SCN9A: variants seen among roughly 807,000 people sequenced by gnomAD.
SCN9A encodes sodium channel protein type 9 subunit alpha.
Under a neutral mutation model 187.0 loss-of-function variants are expected in SCN9A, and 131 were observed. The ratio of observed to expected loss-of-function variants is 0.70; its 90% CI spans 0.61 to 0.81. The LOEUF (loss-of-function observed/expected upper bound fraction) is 0.81. Among genes scored for constraint, SCN9A ranks in the 30% least tolerant of loss-of-function variants. The pLI is 0.00. For synonymous variants in SCN9A, 809 were observed against 808.6 expected, an observed-to-expected ratio of 1.00 and a Z score of -0.01; for missense variants, 2,252 against 2,396.6, an observed-to-expected ratio of 0.94 and a Z score of 1.26.
At chr2:166,224,172 T>G (rs1339302917) in intron 24 of SCN9A, among the ~76,000 whole-genome samples, 1 of 152,186 alleles carries the variant, frequency 6.6e-6, no homozygotes, top group Non-Finnish European at 1.5e-5. Context: ...TAGACACGCT[T>G]AATTTATCCT....
intron 7 of SCN9A, chr2:166,301,756 A>G (rs945187174): frequency 2.0e-5 from 3 of 150,906 alleles, no homozygotes; most frequent in African/African-American, 5.0e-5. Context: ...CATATAAATT[A>G]AGAAATAAAA....
At chr2:166,294,781 A>G (rs531948485) in intron 7 of SCN9A, 119 bp from the exon 8 acceptor site, 2 of 528,814 alleles carry the variant, frequency 3.8e-6, no homozygotes, top group East Asian at 3.1e-5. Flanking sequence ...GTCCCAGGCA[A>G]TATGCATCCA....
chr2:166,303,486 G>A (rs2106522882), intron 6 of SCN9A, among the ~76,000 whole-genome samples, 184 bp from the exon 7 acceptor site: 1 of 152,122 alleles, frequency 6.6e-6, no homozygotes, highest in Admixed American at 6.6e-5. Flanking sequence ...ACAGCAAATG[G>A]TTAAAAATAG....
chr2:166,266,160 C>T (rs1291958346), intron 17 of SCN9A, among the ~76,000 whole-genome samples: 1 of 151,500 alleles, frequency 6.6e-6, no homozygotes, highest in African/African-American at 2.4e-5. Flanking sequence ...ATGAAGCTTT[C>T]CCCCTGTTTT....
intron 24 of SCN9A, among the ~76,000 whole-genome samples, chr2:166,209,953 C>T (rs1694005854): frequency 6.6e-6 from 1 of 152,174 alleles, no homozygotes; most frequent in Non-Finnish European, 1.5e-5. Context: ...CATCCCATGA[C>T]TGGGTATATA....
intron 18 of SCN9A, among the ~76,000 whole-genome samples, chr2:166,243,866 G>C (rs13424327): frequency 0.013 from 2,035 of 152,104 alleles, 42 homozygotes; most frequent in African/African-American, 0.047. Context: ...GAATAGAGAG[G>C]AGTAGGGGTG....
At chr2:166,265,069 A>G (rs1386331161) in intron 17 of SCN9A, among the ~76,000 whole-genome samples, 1 of 151,972 alleles carries the variant, frequency 6.6e-6, no homozygotes, top group Non-Finnish European at 1.5e-5. Flanking sequence ...TTGTGAGGAG[A>G]CCATTTAAAA....
At chr2:166,246,732 T>A (rs1695807477) in intron 18 of SCN9A, among the ~76,000 whole-genome samples, 1 of 152,066 alleles carries the variant, frequency 6.6e-6, no homozygotes, top group African/African-American at 2.4e-5. Flanking sequence ...TTTACTTTTG[T>A]CAATCTTAAA....
chr2:166,293,276 C>A lies in SCN9A; in HGVS notation c.1062G>T (p.Leu354Phe). The A allele has an allele frequency of 6.3e-7, 1 of 1,596,042 alleles. No homozygotes were observed. Among genetic ancestry groups the A allele is most frequent in the Non-Finnish European group, 8.5e-7 (1 of 1,170,104 alleles). Residue 354 changes from leucine to phenylalanine, a missense_variant, in exon 9 of 27, where the codon TTG becomes TTT. Leu to Phe is a conservative substitution (Grantham distance 22, BLOSUM62 0). This residue lies in a region of SCN9A where 1,013 missense variants were observed against 997.4 expected (regional missense o/e 1.02). Coordinates refer to ENST00000642356, the MANE Select transcript of SCN9A (RefSeq NM_001365536.1). Reference sequence around the variant, plus strand: ...AGTAATCTTGGGTCATTAGCCTAAACAAGGCTAAGAAGGCCCAGCTGAAAG... The same window carrying A: ...AGTAATCTTGGGTCATTAGCCTAAAAAAGGCTAAGAAGGCCCAGCTGAAAG... ...FDTFSWAFLA[L>F]FRLMTQDYWE...
intron 24 of SCN9A, among the ~76,000 whole-genome samples, chr2:166,213,750 A>T (rs1694199978): frequency 6.6e-6 from 1 of 152,116 alleles, no homozygotes; most frequent in Non-Finnish European, 1.5e-5. Flanking sequence ...GTGGAATAGG[A>T]GGTTTATGAC....
At chr2:166,234,606 CTTTT>C (rs138601946) in intron 20 of SCN9A, among the ~76,000 whole-genome samples, 3,140 of 148,590 alleles carry the variant, frequency 0.021, 120 homozygotes, top group African/African-American at 0.074. Flanking sequence ...TGTAACATGG[CTTTT>C]TTTTTTAAAT....
intron 24 of SCN9A, chr2:166,205,292 T>C (rs1216578273): frequency 6.6e-6 from 1 of 152,370 alleles, no homozygotes; most frequent in East Asian, 1.9e-4. Flanking sequence ...CAAAACAGCA[T>C]GGTACTGGTA....
chr2:166,248,899 G>A (rs1227656338), intron 18 of SCN9A, among the ~76,000 whole-genome samples: 2 of 151,818 alleles, frequency 1.3e-5, no homozygotes, highest in African/African-American at 4.8e-5. Context: ...TGAACTCCTG[G>A]CCTCAAGTGA....
intron 1 of SCN9A, among the ~76,000 whole-genome samples, chr2:166,339,344 A>G (rs945368579): frequency 9.2e-5 from 14 of 152,176 alleles, no homozygotes; most frequent in African/African-American, 3.4e-4. Flanking sequence ...ATCACAGAAA[A>G]GGCTGATTTC....
At chr2:166,341,526 T>C (rs1699785437) in intron 1 of SCN9A, among the ~76,000 whole-genome samples, 1 of 152,222 alleles carries the variant, frequency 6.6e-6, no homozygotes, top group East Asian at 1.9e-4. Flanking sequence ...GCAGATGTTT[T>C]AAAAGGCACT....
intron 17 of SCN9A, among the ~76,000 whole-genome samples, chr2:166,261,262 G>A (rs1336553856): frequency 6.6e-6 from 1 of 151,866 alleles, no homozygotes; most frequent in Non-Finnish European, 1.5e-5. Context: ...TTTATTCAGG[G>A]TAGCAATATG....
chr2:166,320,309 CTT>C (rs1256000105), intron 1 of SCN9A, among the ~76,000 whole-genome samples: 1 of 152,092 alleles, frequency 6.6e-6, no homozygotes, highest in Non-Finnish European at 1.5e-5. Flanking sequence ...ATACCTCTCT[CTT>C]GAGCCAAAGA....
chr2:166,209,298 A>G (rs1044494097), intron 24 of SCN9A, among the ~76,000 whole-genome samples: 2 of 152,236 alleles, frequency 1.3e-5, no homozygotes, highest in Non-Finnish European at 2.9e-5. Flanking sequence ...ACAAAAAGGG[A>G]TAAAAGAAAT....
At position 166,278,303 on chromosome 2, in the gene SCN9A, C is replaced by A. The variant is rs767975150; in HGVS notation, c.2354G>T (p.Gly785Val). ...VLAIGNLVFT[G>V]IFAAEMVLKL... ...TAATACCATTTCAGCTGCAAAGATTCCAGTAAAGACCTAAGTGAGAAAAAT... is the reference window on the plus strand; with the variant it reads ...TAATACCATTTCAGCTGCAAAGATTACAGTAAAGACCTAAGTGAGAAAAAT... The change falls in exon 15 of 27, where the codon GGA (glycine) becomes GTA (valine). Residue 785 changes from glycine (G) to valine (V), a missense_variant. Around this residue, in one of 7 missense-constraint regions of SCN9A, gnomAD observed 1,013 missense variants for 997.4 expected, o/e 1.02. Coordinates refer to ENST00000642356, the MANE Select transcript of SCN9A (RefSeq NM_001365536.1). The A allele has an allele frequency of 1.0e-5, 16 of 1,596,858 alleles. No individual in the cohort carries two copies. The highest frequency in any genetic ancestry group is 1.7e-4 in the Middle Eastern group (1 of 6,046).
Sources: allele counts gnomAD v4.1 joint callset (sites outside exome capture counted in the v4.1 genomes callset), GRCh38; gene constraint gnomAD v4.1.1; regional missense constraint gnomAD v4.1.1; transcripts MANE v1.5; gene names NCBI Gene and HGNC (gene_info 2026-07-23, HGNC 2026-07-21).